ZNRF3: variants seen among roughly 807,000 people sequenced by gnomAD.
ZNRF3 encodes E3 ubiquitin-protein ligase ZNRF3.
ZNRF3 carries 23 observed loss-of-function variants against 72.5 expected under a neutral mutation model. That is an observed-to-expected ratio of 0.32 (90% CI 0.23 to 0.45). The LOEUF is 0.45. Ranked by LOEUF, ZNRF3 falls within the 20% of genes least tolerant of loss-of-function variation. The pLI, the probability that ZNRF3 is intolerant of heterozygous loss-of-function variation, is 1.00. For missense variants in ZNRF3, 1,169 were observed against 1,272.1 expected, an observed-to-expected ratio of 0.92 and a Z score of 1.23; for synonymous variants, 610 against 545.3, an observed-to-expected ratio of 1.12 and a Z score of -1.65.
intron 1 of ZNRF3, among the ~76,000 whole-genome samples, chr22:28,923,578 C>A (rs146010123): frequency 6.6e-6 from 1 of 151,904 alleles, no homozygotes; most frequent in Non-Finnish European, 1.5e-5. Flanking sequence ...ATGTACACAC[C>A]GTCCCTCCAT....
intron 4 of ZNRF3, among the ~76,000 whole-genome samples, chr22:29,043,730 C>G (rs949952770): frequency 1.3e-5 from 2 of 152,218 alleles, no homozygotes; most frequent in African/African-American, 4.8e-5. Context: ...CCATCTCCCT[C>G]TGAAAGGCAA....
rs2078540 is a variant in ZNRF3, at chr22:29,053,301, C to T, written c.2768-278C>T. On this transcript the variant is annotated intron_variant, in intron 8 of 8. Transcript: ENST00000544604. ...CTCTGCTGCTTTTCCCAAGGCCTGA[C>T]GCACACCGGGCACCCAGTTAACATC... is the stretch of plus-strand genomic sequence containing the variant. Among the ~76,000 whole-genome samples the T allele has an allele frequency of 8.9e-3, 1,357 of 152,304 alleles. 16 individuals carry two copies. The highest frequency in any genetic ancestry group is 0.031 in the African/African-American group (1,285 of 41,562).
intron 2 of ZNRF3, among the ~76,000 whole-genome samples, chr22:29,036,002 T>C (rs2036860759): frequency 6.6e-6 from 1 of 152,180 alleles, no homozygotes; most frequent in African/African-American, 2.4e-5. Flanking sequence ...TCCAGCATAT[T>C]TTAAACTACA....
At chr22:28,996,015 A>G (rs1166872885) in intron 2 of ZNRF3, among the ~76,000 whole-genome samples, 2 of 152,184 alleles carry the variant, frequency 1.3e-5, no homozygotes, top group East Asian at 1.9e-4. Flanking sequence ...GGCTCAAGCA[A>G]TCCACCTTCC....
In ZNRF3 at chr22:29,053,447, C is replaced by A. The variant is rs2037243466; in HGVS notation, c.2768-132C>A. The A allele has an allele frequency of 6.6e-6, 5 of 753,948 alleles. No homozygotes were observed. The Admixed American group carries it at 1.3e-4, about 20-fold the overall frequency. The allele number at this position is 753,948 out of a possible 1,614,324, so 46.7% of individuals were successfully genotyped here. On this transcript the variant is annotated intron_variant, in intron 8 of 8. Coordinates refer to ENST00000544604, the MANE Select transcript of ZNRF3 (RefSeq NM_001206998.2). ...AGCACAAATGGAGCCCCTCTGGGAA[C>A]AGGAACCTGCTTCAGCCCTTTAGCA...
intron 1 of ZNRF3, among the ~76,000 whole-genome samples, chr22:28,909,204 G>T (rs1165361341): frequency 6.6e-6 from 1 of 152,008 alleles, no homozygotes; most frequent in African/African-American, 2.4e-5. Flanking sequence ...GCCTCTGTTG[G>T]GTTTTTTAGG....
At chr22:29,051,046 C>G (rs904482559) in intron 8 of ZNRF3, 98 bp downstream of exon 8, 2 of 1,372,588 alleles carry the variant, frequency 1.5e-6, no homozygotes, top group African/African-American at 2.9e-5. Flanking sequence ...CTTTTGTGTC[C>G]TTGGTTTTAA....
At chr22:28,946,975 A>G (rs17517292) in intron 1 of ZNRF3, among the ~76,000 whole-genome samples, 1,804 of 152,312 alleles carry the variant, frequency 0.012, 22 homozygotes, top group Middle Eastern at 0.044. Flanking sequence ...TATAGCAGCC[A>G]TATCTTGGGC....
rs769992605 is a variant in ZNRF3 at position 29,050,010 on chromosome 22, C to T, written c.1829C>T (p.Ala610Val). 5.0e-6 allele frequency: 8 copies of T among 1,611,176 alleles called. No homozygotes were observed. The highest frequency in any genetic ancestry group is 1.1e-5 in the South Asian group (1 of 90,766). ...CGGAGCCCCTGTCGTGCCAGTGAGGCGGGGGGCTCGGGCAGCTCGGGCCGG... is the reference window on the plus strand; with the variant it reads ...CGGAGCCCCTGTCGTGCCAGTGAGGTGGGGGGCTCGGGCAGCTCGGGCCGG... ...RSRSPCRASE[A>V]GGSGSSGRGP... The change falls in exon 8 of 9, where the codon GCG (alanine) becomes GTG (valine). Residue 610 changes from alanine to valine, a missense_variant. Physicochemically the swap from Ala to Val is moderately conservative, Grantham distance 64 (BLOSUM62 0). This residue lies in a region of ZNRF3 where 783 missense variants were observed against 731.4 expected (regional missense o/e 1.07). Transcript: ENST00000544604.
At chr22:28,949,453 T>A (rs992093320) in intron 1 of ZNRF3, among the ~76,000 whole-genome samples, 9 of 151,886 alleles carry the variant, frequency 5.9e-5, no homozygotes, top group Non-Finnish European at 8.8e-5. Flanking sequence ...TTTTTTATTT[T>A]TTTTTTATAC....
chr22:29,052,807 CTTAAAAAAAAAT>C (rs892735547), intron 8 of ZNRF3, among the ~76,000 whole-genome samples: 17 of 150,806 alleles, frequency 1.1e-4, no homozygotes, highest in East Asian at 1.9e-4. Flanking sequence ...GACCCTATCT[CTTAAAAAAAAAT>C]TTAAAAAAAA....
At chr22:29,051,303 T>G (rs1364400688) in intron 8 of ZNRF3, among the ~76,000 whole-genome samples, 2 of 151,926 alleles carry the variant, frequency 1.3e-5, no homozygotes, top group African/African-American at 4.8e-5. Flanking sequence ...ACCCAACCAC[T>G]TTGGGAGGCC....
intron 1 of ZNRF3, among the ~76,000 whole-genome samples, chr22:28,907,743 G>A (rs2034238565): frequency 1.3e-5 from 2 of 152,160 alleles, no homozygotes. Flanking sequence ...ATGGTTATGT[G>A]GTAGAACTTT....
chr22:28,900,298 C>G (rs567297654), intron 1 of ZNRF3, among the ~76,000 whole-genome samples: 1 of 152,172 alleles, frequency 6.6e-6, no homozygotes, highest in Non-Finnish European at 1.5e-5. Flanking sequence ...TGCCATCACC[C>G]ATAAGTGGGA....
rs1303910907 is a variant in ZNRF3 at position 29,034,095 on chromosome 22, C to T, written c.427-8400C>T. Among the ~76,000 whole-genome samples the T allele has an allele frequency of 2.0e-5, 3 of 152,172 alleles. No individual in the cohort carries two copies. The East Asian group carries it at 5.8e-4, about 29-fold the overall frequency. Reference sequence around the variant, plus strand: ...CAGAGAAGAGGCCCAAGTGAACACTCACTTGGATAAGAAGGGGAGAGACCT... The same window carrying T: ...CAGAGAAGAGGCCCAAGTGAACACTTACTTGGATAAGAAGGGGAGAGACCT... On this transcript the variant is annotated intron_variant, in intron 2 of 8. Transcript: ENST00000544604.
intron 1 of ZNRF3, among the ~76,000 whole-genome samples, chr22:28,901,932 C>CTTT (rs398036773): frequency 8.0e-5 from 9 of 112,956 alleles, no homozygotes; most frequent in African/African-American, 1.3e-4. Flanking sequence ...TTTAAGTTAA[C>CTTT]TTTTTTTTTT....
chr22:28,911,801 C>T (rs1397071084), intron 1 of ZNRF3, among the ~76,000 whole-genome samples: 1 of 152,104 alleles, frequency 6.6e-6, no homozygotes, highest in East Asian at 1.9e-4. Flanking sequence ...GTTGACTGCC[C>T]TGGGTTTCAG....
intron 2 of ZNRF3, among the ~76,000 whole-genome samples, chr22:29,022,571 T>C (rs1171724147): frequency 6.6e-6 from 1 of 152,202 alleles, no homozygotes; most frequent in Non-Finnish European, 1.5e-5. Flanking sequence ...GACTTTAAAT[T>C]ACTTCATGAA....
chr22:28,883,964 C>A lies in ZNRF3; in HGVS notation c.198C>A (p.Phe66Leu). ...CGGCGTTCGTGGAGGTGGTGCTGTTCGAGTCGAGCCCAAGCGGCGATTACA... is the reference window on the plus strand; with the variant it reads ...CGGCGTTCGTGGAGGTGGTGCTGTTAGAGTCGAGCCCAAGCGGCGATTACA... ...KETAFVEVVL[F>L]ESSPSGDYTT... The change falls in exon 1 of 9, where the codon TTC (phenylalanine) becomes TTA (leucine). Residue 66 changes from phenylalanine to leucine, a missense_variant. Transcript: ENST00000544604. The surrounding 1 kb of genome is among the most constrained non-coding windows in gnomAD (Gnocchi z 5.5). The A allele has an allele frequency of 7.7e-7, 1 of 1,297,872 alleles. No homozygotes were observed. The highest frequency in any genetic ancestry group is 1.4e-5 in the South Asian group (1 of 72,092). 80.4% of individuals were successfully genotyped at this position (1,297,872 alleles called of 1,614,324 possible).
Sources: gnomAD v4.1 joint callset for allele counts (sites outside exome capture counted in the v4.1 genomes callset) on GRCh38, gnomAD v4.1.1 for gene constraint, gnomAD v4.1.1 regional missense constraint, Gnocchi (gnomAD v3.1) non-coding constraint, MANE v1.5 for transcripts, NCBI Gene and HGNC (gene_info 2026-07-23, HGNC 2026-07-21) for gene names.